CLASP1: variants seen among roughly 807,000 people sequenced by gnomAD.
The protein encoded by CLASP1 is CLIP-associating protein 1.
Under a neutral mutation model 192.3 loss-of-function variants are expected in CLASP1, and 38 were observed. The ratio of observed to expected loss-of-function variants is 0.20; its 90% CI spans 0.15 to 0.26. The LOEUF is 0.26. CLASP1 is among the 10% of genes least tolerant of loss of function. The pLI, the probability that CLASP1 is intolerant of heterozygous loss-of-function variation, is 1.00. For missense variants in CLASP1, 1,433 were observed against 1,932.5 expected (o/e 0.74, Z 4.85); for synonymous variants, 691 against 712.8 (o/e 0.97, Z 0.49).
intron 8 of CLASP1, among the ~76,000 whole-genome samples, chr2:121,494,947 G>A (rs2093465631): frequency 6.6e-6 from 1 of 152,038 alleles, no homozygotes; most frequent in African/African-American, 2.4e-5. Flanking sequence ...ACTTGAACCT[G>A]GGAGGCGGAG....
At chr2:121,609,086 A>C (rs1272059298) in intron 1 of CLASP1, among the ~76,000 whole-genome samples, 2 of 152,208 alleles carry the variant, frequency 1.3e-5, no homozygotes, top group African/African-American at 4.8e-5. Context: ...CACCTTGAAA[A>C]CATTATTAGA....
intron 1 of CLASP1, among the ~76,000 whole-genome samples, chr2:121,612,988 C>T (rs2065864418): frequency 6.6e-6 from 1 of 152,096 alleles, no homozygotes. Flanking sequence ...CATAATTTTC[C>T]AAAAGAATAT....
intron 2 of CLASP1, among the ~76,000 whole-genome samples, chr2:121,554,754 C>A (rs980775517): frequency 6.6e-6 from 1 of 152,146 alleles, no homozygotes; most frequent in Non-Finnish European, 1.5e-5. Context: ...GTGTTGACTG[C>A]AAATGGCATG....
At chr2:121,342,197 C>G (rs2062864612) in intron 39 of CLASP1, among the ~76,000 whole-genome samples, 2 of 151,962 alleles carry the variant, frequency 1.3e-5, no homozygotes, top group Admixed American at 6.6e-5. Context: ...CCTCAGCTCA[C>G]TGCAGCCTTG....
At chr2:121,628,886 CAAAA>C (rs749588305) in intron 1 of CLASP1, among the ~76,000 whole-genome samples, 1 of 78,116 alleles carries the variant, frequency 1.3e-5, no homozygotes, top group Non-Finnish European at 2.6e-5. Context: ...GACTCCATCT[CAAAA>C]AAAAAAAAAA....
chr2:121,554,879 A>G (rs1406766716), intron 2 of CLASP1, among the ~76,000 whole-genome samples: 2 of 152,242 alleles, frequency 1.3e-5, no homozygotes, highest in African/African-American at 4.8e-5. Flanking sequence ...TATAAATTAT[A>G]TCTCAGTAAA....
chr2:121,540,959 A>G (rs914087714), intron 2 of CLASP1, among the ~76,000 whole-genome samples: 2 of 152,234 alleles, frequency 1.3e-5, no homozygotes, highest in African/African-American at 4.8e-5. Flanking sequence ...AGATCAATTA[A>G]ACAGCTATTA....
chr2:121,573,717 T>C (rs898368538), intron 2 of CLASP1, among the ~76,000 whole-genome samples: 1 of 152,176 alleles, frequency 6.6e-6, no homozygotes, highest in African/African-American at 2.4e-5. Flanking sequence ...ATACCATAGT[T>C]TGGCCAAATG....
In CLASP1 at chr2:121,347,227, G is replaced by A. The variant is rs914336742; in HGVS notation, c.4414-73C>T. ...ATTCCATAGCCAACATCTCATCAAC[G>A]TTTCCACAAATGCCCTCAGAGTTCA... On this transcript the variant is annotated intron_variant, in intron 38 of 39. Transcript: ENST00000263710. The A allele has an allele frequency of 2.6e-5, 27 of 1,033,132 alleles. No individual in the cohort carries two copies. The East Asian group carries it at 5.7e-4, about 22-fold the overall frequency. 64.0% of individuals were successfully genotyped at this position (1,033,132 alleles called of 1,614,324 possible). A position where few individuals can be genotyped will look rare whatever the true frequency, so the allele number is the denominator to read the frequency against.
At chr2:121,620,153 G>A (rs932893178) in intron 1 of CLASP1, among the ~76,000 whole-genome samples, 5 of 151,364 alleles carry the variant, frequency 3.3e-5, no homozygotes, top group African/African-American at 9.7e-5. Context: ...ACCCAGAGGC[G>A]GAGGTCACAG....
intron 22 of CLASP1, among the ~76,000 whole-genome samples, chr2:121,421,731 TGG>T (rs2079540158): frequency 6.6e-6 from 1 of 152,086 alleles, no homozygotes; most frequent in Non-Finnish European, 1.5e-5. Context: ...TTAATAGAGA[TGG>T]GGTTTTGCCA....
intron 1 of CLASP1, among the ~76,000 whole-genome samples, chr2:121,631,442 CA>C (rs2069636514): frequency 6.6e-6 from 1 of 151,424 alleles, no homozygotes; most frequent in African/African-American, 2.4e-5. Flanking sequence ...CACACACCAC[CA>C]GGCCCAGCTA....
intron 3 of CLASP1, 75 bp downstream of exon 3, chr2:121,530,172 T>G: frequency 7.5e-7 from 1 of 1,333,256 alleles, no homozygotes. Flanking sequence ...CCGGGAGGGT[T>G]TGGGAGCCGG....
At chr2:121,546,101 C>A (rs2057392681) in intron 2 of CLASP1, among the ~76,000 whole-genome samples, 1 of 152,174 alleles carries the variant, frequency 6.6e-6, no homozygotes, top group Non-Finnish European at 1.5e-5. Context: ...TCACATCCCA[C>A]CCCAACACAT....
At chr2:121,643,820 T>C (rs1029141656) in intron 1 of CLASP1, among the ~76,000 whole-genome samples, 8 of 152,212 alleles carry the variant, frequency 5.3e-5, no homozygotes, top group Admixed American at 6.5e-5. Context: ...GCTAATGATA[T>C]CACGAATGTA....
At chr2:121,607,537 G>A (rs925995483) in intron 1 of CLASP1, among the ~76,000 whole-genome samples, 8 of 152,268 alleles carry the variant, frequency 5.3e-5, no homozygotes, top group South Asian at 2.1e-4. Context: ...AAGCTCTCTC[G>A]TTAACCTATA....
intron 2 of CLASP1, among the ~76,000 whole-genome samples, chr2:121,585,244 AAAG>A (rs1287780590): frequency 6.6e-6 from 1 of 152,214 alleles, no homozygotes; most frequent in Non-Finnish European, 1.5e-5. Flanking sequence ...CCTTCAAATA[AAAG>A]AAGAGAAAGA....
chr2:121,339,301 A>T (rs2062602833), exon 40 of CLASP1: 1 of 152,256 alleles, frequency 6.6e-6, no homozygotes, highest in South Asian at 2.1e-4. Flanking sequence ...GGGTCTGTGG[A>T]AATGATGTTA....
intron 37 of CLASP1, among the ~76,000 whole-genome samples, chr2:121,361,202 G>A (rs1376125179): frequency 9.2e-5 from 14 of 152,144 alleles, no homozygotes; most frequent in Admixed American, 7.9e-4. Context: ...GCTCATGCCC[G>A]TAGTCCCAGC....
Sources: gnomAD v4.1 joint callset for allele counts (sites outside exome capture counted in the v4.1 genomes callset) on GRCh38, gnomAD v4.1.1 for gene constraint, MANE v1.5 for transcripts, NCBI Gene and HGNC (gene_info 2026-07-23, HGNC 2026-07-21) for gene names.